RAPGEF1: variants seen among roughly 807,000 people sequenced by gnomAD.
RAPGEF1 encodes the protein Rap guanine nucleotide exchange factor 1, also known as CRK SH3-binding GNRP.
In RAPGEF1, 33 loss-of-function variants were observed where a neutral mutation model predicts 143.3. The ratio of observed to expected loss-of-function variants is 0.23; its 90% CI spans 0.17 to 0.31. RAPGEF1 has a LOEUF of 0.31. Among genes scored for constraint, RAPGEF1 ranks in the 10% least tolerant of loss-of-function variants. The pLI is 1.00. For synonymous variants in RAPGEF1, 629 were observed against 676.5 expected (o/e 0.93, Z 1.09); for missense variants, 1,199 against 1,645.4 (o/e 0.73, Z 4.69).
chr9:131,602,213 C>T (rs950586018), intron 14 of RAPGEF1, 64 bp from the exon 15 acceptor site: 29 of 1,256,912 alleles, frequency 2.3e-5, no homozygotes, highest in Non-Finnish European at 3.0e-5. Context: ...TCTGTCTTCC[C>T]AGCATTCCTG....
At chr9:131,700,545 A>G (rs886660345) in intron 1 of RAPGEF1, among the ~76,000 whole-genome samples, 1 of 152,240 alleles carries the variant, frequency 6.6e-6, no homozygotes, top group Non-Finnish European at 1.5e-5. Flanking sequence ...GTGGAGACAC[A>G]GGACCTGTTC....
In RAPGEF1 at chr9:131,712,453, G is replaced by C. The variant is rs567284925; in HGVS notation, c.61+27317C>G. Among the ~76,000 whole-genome samples the C allele has an allele frequency of 4.7e-5, 7 of 149,344 alleles. No homozygotes were observed. In the South Asian group the frequency reaches 6.4e-4, roughly 14 times the overall value. On this transcript the variant is annotated intron_variant, in intron 1 of 26. Coordinates refer to ENST00000683357, the MANE Select transcript of RAPGEF1 (RefSeq NM_001377935.1). ...CTCTCCTCTCCTAGCAAGAGTCAGA[G>C]GGTATGGGCGGCTGGGGCGCTGTTT... is the stretch of plus-strand genomic sequence containing the variant.
intron 1 of RAPGEF1, among the ~76,000 whole-genome samples, chr9:131,732,667 A>C (rs1042043340): frequency 4.0e-5 from 6 of 150,660 alleles, no homozygotes; most frequent in African/African-American, 1.5e-4. Flanking sequence ...TGGTCCTACT[A>C]ATGTACCAAG....
rs370390894 is a variant in RAPGEF1 at position 131,650,106 on chromosome 9, A to G, written c.315+23T>C. The G allele has an allele frequency of 6.5e-5, 103 of 1,580,028 alleles. No individual in the cohort carries two copies. The highest frequency in any genetic ancestry group is 1.5e-4 in the Admixed American group (9 of 58,738). On this transcript the variant is annotated intron_variant, in intron 3 of 26. Coordinates refer to ENST00000683357, the MANE Select transcript of RAPGEF1 (RefSeq NM_001377935.1). The surrounding 1 kb of genome is among the most constrained non-coding windows in gnomAD (Gnocchi z 4.7). Reference sequence around the variant, plus strand: ...TGCAGTAGAAGGCAAGGCAAACCCAATTGTTCTTAATGTTACACTGACCTT... The same window carrying G: ...TGCAGTAGAAGGCAAGGCAAACCCAGTTGTTCTTAATGTTACACTGACCTT...
chr9:131,642,946 G>C (rs1459206766), intron 4 of RAPGEF1, among the ~76,000 whole-genome samples: 1 of 152,182 alleles, frequency 6.6e-6, no homozygotes, highest in Non-Finnish European at 1.5e-5. Flanking sequence ...CTCCATGTCC[G>C]GGAGGCGTCC....
intron 4 of RAPGEF1, among the ~76,000 whole-genome samples, chr9:131,639,930 T>G (rs758298839): frequency 6.6e-6 from 1 of 152,174 alleles, no homozygotes; most frequent in African/African-American, 2.4e-5. Flanking sequence ...ATCTAAAGTT[T>G]CCATTTAGCC....
chr9:131,734,878 A>C (rs1475561461), intron 1 of RAPGEF1, among the ~76,000 whole-genome samples: 1 of 152,170 alleles, frequency 6.6e-6, no homozygotes, highest in Non-Finnish European at 1.5e-5. Flanking sequence ...TGAGACACCT[A>C]TTTATTCCAT....
intron 12 of RAPGEF1, 36 bp downstream of exon 12, chr9:131,619,015 G>T: frequency 7.5e-7 from 1 of 1,341,624 alleles, no homozygotes; most frequent in East Asian, 4.8e-5. Context: ...CCCTGTTCAC[G>T]CGTTTCCAAG....
chr9:131,642,845 A>T (rs1202741211), intron 4 of RAPGEF1, among the ~76,000 whole-genome samples: 1 of 152,218 alleles, frequency 6.6e-6, no homozygotes, highest in Non-Finnish European at 1.5e-5. Flanking sequence ...GCCTCTGGCG[A>T]TGAGTGGAAA....
intron 12 of RAPGEF1, among the ~76,000 whole-genome samples, chr9:131,612,582 C>T (rs996289096): frequency 3.9e-5 from 6 of 152,158 alleles, no homozygotes; most frequent in African/African-American, 9.7e-5. Flanking sequence ...CAGGAGGTAA[C>T]GCCGTCTCCT....
chr9:131,709,671 T>C lies in RAPGEF1; in HGVS notation c.61+30099A>G, dbSNP rs547487770. 3.1e-6 allele frequency: 5 copies of C among 1,614,004 alleles called. No homozygotes were observed. The Admixed American group carries it at 5.0e-5, about 16-fold the overall frequency. ...CGTTTCAAGGGCTTCTGTTTTTCAA[T>C]AGCATTGCCCATTTTAAAGCCAGAG... On this transcript the variant is annotated intron_variant, in intron 1 of 26. Coordinates refer to ENST00000683357, the MANE Select transcript of RAPGEF1 (RefSeq NM_001377935.1).
chr9:131,589,036 CAG>C, intron 19 of RAPGEF1, 50 bp from the exon 20 acceptor site: 1 of 1,567,874 alleles, frequency 6.4e-7, no homozygotes, highest in Non-Finnish European at 8.7e-7. Context: ...AAGGCCCAGG[CAG>C]AGTCTGTCTT....
intron 1 of RAPGEF1, among the ~76,000 whole-genome samples, chr9:131,700,446 C>T (rs1039520183): frequency 5.3e-5 from 8 of 152,184 alleles, no homozygotes; most frequent in Non-Finnish European, 8.8e-5. Flanking sequence ...CAAAAGCCTA[C>T]ATATTATACT....
At chr9:131,728,437 C>T (rs1464591582) in intron 1 of RAPGEF1, among the ~76,000 whole-genome samples, 2 of 152,174 alleles carry the variant, frequency 1.3e-5, no homozygotes, top group Non-Finnish European at 2.9e-5. Flanking sequence ...GGTGTATCAG[C>T]CCTGCTGTGG....
chr9:131,645,308 G>T (rs1194414926), intron 3 of RAPGEF1, among the ~76,000 whole-genome samples: 4 of 152,198 alleles, frequency 2.6e-5, no homozygotes, highest in African/African-American at 9.7e-5. Context: ...AAGTGTTAGA[G>T]ACCAGCAATG....
intron 11 of RAPGEF1, among the ~76,000 whole-genome samples, chr9:131,620,083 T>C (rs1960360269): frequency 6.6e-6 from 1 of 152,142 alleles, no homozygotes; most frequent in Non-Finnish European, 1.5e-5. Context: ...AACACAGATG[T>C]TCCTAACAGG....
intron 20 of RAPGEF1, 135 bp downstream of exon 20, chr9:131,588,666 G>T: frequency 1.1e-6 from 1 of 905,712 alleles, no homozygotes; most frequent in Non-Finnish European, 1.6e-6. Flanking sequence ...GATCCACGGG[G>T]CTGTTCCTGA....
intron 1 of RAPGEF1, among the ~76,000 whole-genome samples, chr9:131,679,917 C>T (rs972633351): frequency 3.3e-5 from 5 of 152,182 alleles, no homozygotes; most frequent in Admixed American, 2.6e-4. Context: ...AAGTGGGAAG[C>T]GAGTCACAGG....
At chr9:131,693,604 T>A (rs1267142589) in intron 1 of RAPGEF1, among the ~76,000 whole-genome samples, 1 of 152,204 alleles carries the variant, frequency 6.6e-6, no homozygotes, top group African/African-American at 2.4e-5. Flanking sequence ...CTTTTCTTTC[T>A]ATAAAACCAA....
Sources: gnomAD v4.1 joint callset for allele counts (sites outside exome capture counted in the v4.1 genomes callset) on GRCh38, gnomAD v4.1.1 for gene constraint, Gnocchi (gnomAD v3.1) non-coding constraint, MANE v1.5 for transcripts, NCBI Gene and HGNC (gene_info 2026-07-23, HGNC 2026-07-21) for gene names.